HTR7: variants seen among roughly 807,000 people sequenced by gnomAD.
The protein encoded by HTR7 is 5-hydroxytryptamine receptor 7.
A neutral mutation model predicts 34.0 loss-of-function variants in HTR7; 16 were observed. The ratio of observed to expected loss-of-function variants is 0.47; its 90% CI spans 0.32 to 0.71. The LOEUF is 0.71. Among genes scored for constraint, HTR7 ranks in the 30% least tolerant of loss-of-function variants. The probability of loss-of-function intolerance (pLI) is 0.04; values close to 1 mark genes in which losing one functional copy is unlikely to be tolerated. For synonymous variants in HTR7, 265 were observed against 260.2 expected, an observed-to-expected ratio of 1.02 and a Z score of -0.18; for missense variants, 504 against 625.5, an observed-to-expected ratio of 0.81 and a Z score of 2.07.
At position 90,762,714 on chromosome 10, in the gene HTR7, C is replaced by T. The variant is rs377536617; in HGVS notation, c.540-13120G>A. Reference sequence around the variant, plus strand: ...TGTTCAAAAATATCACTGCCAATATCGATATAAAGGAGCTTTTACCCGGTG... The same window carrying T: ...TGTTCAAAAATATCACTGCCAATATTGATATAAAGGAGCTTTTACCCGGTG... On this transcript the variant is annotated intron_variant, in intron 1 of 3. Coordinates refer to ENST00000336152, the MANE Select transcript of HTR7 (RefSeq NM_019859.4). 2.6e-4 allele frequency among the ~76,000 whole-genome samples: 39 copies of T among 152,170 alleles called. No individual in the cohort carries two copies. In the South Asian group the frequency reaches 7.7e-3, roughly 30 times the overall value.
At chr10:90,836,430 T>C (rs1846253462) in intron 1 of HTR7, among the ~76,000 whole-genome samples, 2 of 152,180 alleles carry the variant, frequency 1.3e-5, no homozygotes, top group African/African-American at 4.8e-5. Flanking sequence ...ACCAATAGTA[T>C]TAATAACAAT....
intron 1 of HTR7, among the ~76,000 whole-genome samples, chr10:90,770,823 G>A (rs1845097742): frequency 6.6e-6 from 1 of 152,214 alleles, no homozygotes; most frequent in African/African-American, 2.4e-5. Context: ...GCAGAAGGCG[G>A]TGGGTTCCCA....
chr10:90,844,726 C>CAAAAAA lies in HTR7; in HGVS notation c.539+12401_539+12406dup, dbSNP rs71025328. Among the ~76,000 whole-genome samples, 22 of 39,488 alleles carry CAAAAAA rather than the reference C, an allele frequency of 5.6e-4. 5 individuals are homozygous for CAAAAAA. The highest frequency in any genetic ancestry group is 9.9e-4 in the East Asian group (1 of 1,012). 25.9% of individuals were successfully genotyped at this position (39,488 alleles called of 152,430 possible). ...TGGGCAACAGAATGAGACTCCGTCT[C>CAAAAAA]AAAAAAAAAAAAAAAAAAAAAAAAA... On this transcript the variant is annotated intron_variant, in intron 1 of 3. Coordinates refer to ENST00000336152, the MANE Select transcript of HTR7 (RefSeq NM_019859.4).
At chr10:90,744,967 T>C (rs1844611829) in intron 2 of HTR7, among the ~76,000 whole-genome samples, 1 of 152,210 alleles carries the variant, frequency 6.6e-6, no homozygotes, top group Non-Finnish European at 1.5e-5. Context: ...CTGCTCTCCT[T>C]TCACTATAAA....
Position 90,749,124 on chromosome 10 carries a change from G to A in HTR7, c.1010C>T (p.Thr337Ile), listed in dbSNP as rs563848390. The A allele has an allele frequency of 6.2e-7, 1 of 1,614,202 alleles. No homozygotes were observed. The highest frequency in any genetic ancestry group is 1.1e-5 in the South Asian group (1 of 91,088). ...GAGGAAAAATGGCAGCCAGCACACGGTAAAGGCCCCGACGATGATCCCCAG... is the reference window on the plus strand; with the variant it reads ...GAGGAAAAATGGCAGCCAGCACACGATAAAGGCCCCGACGATGATCCCCAG... ...TTLGIIVGAF[T>I]VCWLPFFLLS... The change falls in exon 2 of 4, where the codon ACC (threonine) becomes ATC (isoleucine). Residue 337 changes from threonine (T) to isoleucine (I), a missense_variant. Thr to Ile is a moderately conservative substitution (Grantham distance 89). Transcript: ENST00000336152. This position sits in a 1 kb window ranked among gnomAD's most constrained non-coding sequence, Gnocchi z 4.2.
intron 1 of HTR7, among the ~76,000 whole-genome samples, chr10:90,820,286 T>C (rs778440732): frequency 3.3e-5 from 5 of 151,884 alleles, no homozygotes; most frequent in Non-Finnish European, 7.4e-5. Flanking sequence ...AGTGATGGCT[T>C]TTTGATTTTC....
At chr10:90,831,484 A>G (rs559394610) in intron 1 of HTR7, among the ~76,000 whole-genome samples, 1 of 152,314 alleles carries the variant, frequency 6.6e-6, no homozygotes, top group South Asian at 2.1e-4. Flanking sequence ...AGCTCATAAA[A>G]GCAGTGTGGA....
intron 1 of HTR7, among the ~76,000 whole-genome samples, chr10:90,790,696 G>T (rs1045038901): frequency 6.6e-6 from 1 of 152,036 alleles, no homozygotes; most frequent in African/African-American, 2.4e-5. Flanking sequence ...TGAAGAAGAA[G>T]CTATTTAAAA....
chr10:90,755,402 A>G, intron 1 of HTR7, among the ~76,000 whole-genome samples: 1 of 152,356 alleles, frequency 6.6e-6, no homozygotes, highest in East Asian at 1.9e-4. Flanking sequence ...ATTTTATATA[A>G]TAAACTGATA....
At chr10:90,837,660 A>C (rs1309819156) in intron 1 of HTR7, among the ~76,000 whole-genome samples, 1 of 152,266 alleles carries the variant, frequency 6.6e-6, no homozygotes, top group African/African-American at 2.4e-5. Context: ...GTATTCTGTT[A>C]TAACAACAGA....
At chr10:90,824,859 C>T (rs937016159) in intron 1 of HTR7, among the ~76,000 whole-genome samples, 1 of 152,214 alleles carries the variant, frequency 6.6e-6, no homozygotes, top group Non-Finnish European at 1.5e-5. Flanking sequence ...TGGTTTCTGA[C>T]TTCAGGTCCT....
chr10:90,832,712 G>A (rs898330999), intron 1 of HTR7, among the ~76,000 whole-genome samples: 4 of 152,166 alleles, frequency 2.6e-5, no homozygotes, highest in African/African-American at 4.8e-5. Context: ...CGAGGGCTGT[G>A]AGAGCTGCCA....
chr10:90,803,297 G>A lies in HTR7; in HGVS notation c.540-53703C>T, dbSNP rs572750880. 2.6e-5 allele frequency among the ~76,000 whole-genome samples: 4 copies of A among 152,218 alleles called. No homozygotes were observed. In the East Asian group the frequency reaches 7.7e-4, roughly 29 times the overall value. On this transcript the variant is annotated intron_variant, in intron 1 of 3. Transcript: ENST00000336152. ...GGGTTTGATATGTTGGCATATGAGG[G>A]TCTTGTGTCCCTTCTCCCCTGATCT...
chr10:90,782,320 C>A (rs927387121), intron 1 of HTR7, among the ~76,000 whole-genome samples: 1 of 152,102 alleles, frequency 6.6e-6, no homozygotes, highest in Admixed American at 6.5e-5. Flanking sequence ...GCTTAATTAT[C>A]GCACTTGTAA....
chr10:90,800,200 G>GA (rs1320045009), intron 1 of HTR7, among the ~76,000 whole-genome samples: 5 of 138,458 alleles, frequency 3.6e-5, no homozygotes, highest in Non-Finnish European at 4.6e-5. Context: ...CCCATACATT[G>GA]ATTTGAGAAT....
chr10:90,805,173 G>T (rs932756333), intron 1 of HTR7, among the ~76,000 whole-genome samples: 2 of 152,126 alleles, frequency 1.3e-5, no homozygotes, highest in African/African-American at 4.8e-5. Context: ...GCTGAAGACA[G>T]TTATTTACAG....
At position 90,826,899 on chromosome 10, in the gene HTR7, T is replaced by C. The variant is rs569259688; in HGVS notation, c.539+30234A>G. On this transcript the variant is annotated intron_variant, in intron 1 of 3. Transcript: ENST00000336152. Reference sequence around the variant, plus strand: ...TTGCAGTGAGTCAAGATCATGCCACTGCACTCCAGCCTGGGTGACACAGCG... The same window carrying C: ...TTGCAGTGAGTCAAGATCATGCCACCGCACTCCAGCCTGGGTGACACAGCG... 1.4e-3 allele frequency among the ~76,000 whole-genome samples: 217 copies of C among 152,008 alleles called. 2 individuals carry two copies. Among genetic ancestry groups the C allele is most frequent in the African/African-American group, 5.1e-3 (211 of 41,456 alleles).
chr10:90,826,483 A>G (rs915940228), intron 1 of HTR7, among the ~76,000 whole-genome samples: 3 of 152,144 alleles, frequency 2.0e-5, no homozygotes, highest in African/African-American at 4.8e-5. Flanking sequence ...TATGTTAACT[A>G]CTCACCTCTT....
rs777310093 is a variant in HTR7 at position 90,823,211 on chromosome 10, G to T, written c.539+33922C>A. The stretch of plus-strand genomic sequence containing the variant: ...CTTGCACCATGCACCTGGAAAAGCT[G>T]CAGGCTCTCAACACCAGCCCATAAA... On this transcript the variant is annotated intron_variant, in intron 1 of 3. Transcript: ENST00000336152. Among the ~76,000 whole-genome samples the T allele has an allele frequency of 1.1e-4, 17 of 152,206 alleles. 1 individual carries two copies. The highest frequency in any genetic ancestry group is 6.5e-4 in the Admixed American group (10 of 15,286).
Sources: gnomAD v4.1 joint callset for allele counts (sites outside exome capture counted in the v4.1 genomes callset) on GRCh38, gnomAD v4.1.1 for gene constraint, Gnocchi (gnomAD v3.1) non-coding constraint, MANE v1.5 for transcripts, NCBI Gene and HGNC (gene_info 2026-07-23, HGNC 2026-07-21) for gene names.